The following NXPE2 variants were observed in gnomAD, a reference collection of about 807,000 sequenced individuals.
NXPE2 encodes the protein neurexophilin and PC-esterase domain family member 2.
NXPE2 carries 34 observed loss-of-function variants against 34.4 expected under a neutral mutation model. The ratio of observed to expected loss-of-function variants is 0.99; its 90% CI spans 0.75 to 1.31. The LOEUF (loss-of-function observed/expected upper bound fraction) is 1.31, where lower values mean the gene tolerates loss of function less well. Among genes scored for constraint, NXPE2 ranks in the 40% most tolerant of loss-of-function variants. The probability of loss-of-function intolerance (pLI) is 0.00; values close to 1 mark genes in which losing one functional copy is unlikely to be tolerated. For missense variants in NXPE2, 649 were observed against 672.5 expected, an observed-to-expected ratio of 0.97 and a Z score of 0.39; for synonymous variants, 235 against 231.3, an observed-to-expected ratio of 1.02 and a Z score of -0.15.
At chr11:114,732,543 A>C in the NXPE2 span, among the ~76,000 whole-genome samples, 434 of 152,204 alleles carry the variant, frequency 2.9e-3, no homozygotes, top group African/African-American at 9.2e-3. Context: ...GTTTTTGACA[A>C]TTTTACTTTT....
At chr11:114,627,852 A>T in the NXPE2 span, among the ~76,000 whole-genome samples, 1 of 151,428 alleles carries the variant, frequency 6.6e-6, no homozygotes, top group Non-Finnish European at 1.5e-5. Context: ...AAAACAAAAA[A>T]ATGCAGGGAT....
At chr11:114,715,360 C>G in the NXPE2 span, among the ~76,000 whole-genome samples, 1 of 152,154 alleles carries the variant, frequency 6.6e-6, no homozygotes. Context: ...TCAACACATT[C>G]ACAGATAATT....
chr11:114,522,083 T>C, the NXPE2 span: 6 of 1,614,076 alleles, frequency 3.7e-6, no homozygotes, highest in African/African-American at 8.0e-5. Flanking sequence ...GATGCCCACG[T>C]TGAGGTCTTT....
At chr11:114,501,731 A>G in the NXPE2 span, among the ~76,000 whole-genome samples, 1 of 152,184 alleles carries the variant, frequency 6.6e-6, no homozygotes, top group Non-Finnish European at 1.5e-5. Context: ...GCTCAAGATC[A>G]GAGAGAAGGG....
chr11:114,535,920 C>T, the NXPE2 span, among the ~76,000 whole-genome samples: 1 of 152,148 alleles, frequency 6.6e-6, no homozygotes, highest in East Asian at 1.9e-4. Flanking sequence ...CTCAGCTCTG[C>T]ACCAAGCAGA....
chr11:114,490,960 A>G, the NXPE2 span, among the ~76,000 whole-genome samples: 3 of 151,168 alleles, frequency 2.0e-5, no homozygotes, highest in Admixed American at 2.0e-4. Context: ...CAGGAGATCG[A>G]GACCATCCTG....
At chr11:114,732,836 A>G in the NXPE2 span, among the ~76,000 whole-genome samples, 1 of 135,890 alleles carries the variant, frequency 7.4e-6, no homozygotes, top group African/African-American at 3.0e-5. Flanking sequence ...TCTTCAGATT[A>G]ATTTAGTGAT....
At chr11:114,800,840 C>T in the NXPE2 span, among the ~76,000 whole-genome samples, 2 of 135,260 alleles carry the variant, frequency 1.5e-5, no homozygotes, top group Non-Finnish European at 3.3e-5. Context: ...ATGCAAAAAT[C>T]TTGTGTCTAG....
chr11:114,534,784 A>G, the NXPE2 span, among the ~76,000 whole-genome samples: 1 of 152,194 alleles, frequency 6.6e-6, no homozygotes, highest in African/African-American at 2.4e-5. Context: ...GACTATGTGA[A>G]AAGACCAAAT....
chr11:114,683,978 C>T, intron 2 of NXPE2, among the ~76,000 whole-genome samples: 1 of 152,072 alleles, frequency 6.6e-6, no homozygotes, highest in East Asian at 1.9e-4. Flanking sequence ...GGCTGTTGAT[C>T]TCATTCACTG....
the NXPE2 span, chr11:114,594,587 T>A: frequency 3.3e-6 from 3 of 905,260 alleles, no homozygotes; most frequent in East Asian, 7.3e-5. Flanking sequence ...AGTCTTGTAG[T>A]TTAGCCTTTC....
At chr11:114,656,427 T>C in the NXPE2 span, among the ~76,000 whole-genome samples, 1 of 152,132 alleles carries the variant, frequency 6.6e-6, no homozygotes, top group African/African-American at 2.4e-5. Context: ...TAGAAAAAAC[T>C]ATTTTGAATT....
chr11:114,475,801 C>T, the NXPE2 span, among the ~76,000 whole-genome samples: 1 of 152,158 alleles, frequency 6.6e-6, no homozygotes, highest in Admixed American at 6.6e-5. Context: ...GGTCAATTCC[C>T]ACTTTCAATT....
At chr11:114,619,094 A>G in the NXPE2 span, among the ~76,000 whole-genome samples, 1 of 152,042 alleles carries the variant, frequency 6.6e-6, no homozygotes, top group Non-Finnish European at 1.5e-5. Context: ...ATGGGTAACC[A>G]CTGTTGCACT....
chr11:114,469,532 T>C, the NXPE2 span, among the ~76,000 whole-genome samples: 3 of 151,778 alleles, frequency 2.0e-5, no homozygotes, highest in African/African-American at 4.8e-5. Context: ...CACTCTCGCC[T>C]GGGCTAGAGT....
the NXPE2 span, among the ~76,000 whole-genome samples, chr11:114,520,049 G>A: frequency 1.3e-5 from 2 of 151,852 alleles, no homozygotes; most frequent in South Asian, 2.1e-4. Context: ...TGATCCTCCC[G>A]CTTAGGCCTC....
chr11:114,651,283 G>A, the NXPE2 span, among the ~76,000 whole-genome samples: 4 of 151,810 alleles, frequency 2.6e-5, no homozygotes, highest in Admixed American at 6.6e-5. Context: ...CGGTGGGTTC[G>A]TGGTCTCGCT....
At chr11:114,773,161 A>G in the NXPE2 span, among the ~76,000 whole-genome samples, 1 of 152,080 alleles carries the variant, frequency 6.6e-6, no homozygotes, top group South Asian at 2.1e-4. Context: ...GCTCCTACCA[A>G]AGAGGATTCT....
chr11:114,783,486 C>G, the NXPE2 span, among the ~76,000 whole-genome samples: 1 of 152,164 alleles, frequency 6.6e-6, no homozygotes, highest in Non-Finnish European at 1.5e-5. Flanking sequence ...GCCATTACAA[C>G]CCTTCTCAAC....
Sources: gnomAD v4.1 joint callset for allele counts (sites outside exome capture counted in the v4.1 genomes callset) on GRCh38, gnomAD v4.1.1 for gene constraint, MANE v1.5 for transcripts, NCBI Gene and HGNC (gene_info 2026-07-23, HGNC 2026-07-21) for gene names.